The following AKAP9 variants were observed in gnomAD, a reference collection of about 807,000 sequenced individuals.
The protein encoded by AKAP9 is A-kinase anchor protein 9.
A neutral mutation model predicts 488.5 loss-of-function variants in AKAP9; 311 were observed. That is an observed-to-expected ratio of 0.64 (90% CI 0.58 to 0.70). The LOEUF is 0.70. Ranked by LOEUF, AKAP9 falls within the 30% of genes least tolerant of loss-of-function variation. The pLI is 0.00. For missense variants in AKAP9, 4,215 were observed against 4,374.5 expected, an observed-to-expected ratio of 0.96 and a Z score of 1.03; for synonymous variants, 1,462 against 1,483.5, an observed-to-expected ratio of 0.99 and a Z score of 0.33.
intron 25 of AKAP9, among the ~76,000 whole-genome samples, chr7:92,066,141 T>C (rs1232681474): frequency 6.6e-6 from 1 of 152,238 alleles, no homozygotes; most frequent in Non-Finnish European, 1.5e-5. Flanking sequence ...TTAAGGTGAA[T>C]ATTTTTTCAT....
At chr7:92,083,097 A>G (rs1347154427) in intron 32 of AKAP9, 73 bp from the exon 33 acceptor site, 6 of 1,545,718 alleles carry the variant, frequency 3.9e-6, no homozygotes, top group Non-Finnish European at 5.3e-6. Context: ...TTCCTCCCAC[A>G]CCCTTTAAAT....
At chr7:91,944,837 A>G (rs1165320583) in intron 1 of AKAP9, among the ~76,000 whole-genome samples, 1 of 152,230 alleles carries the variant, frequency 6.6e-6, no homozygotes, top group African/African-American at 2.4e-5. Flanking sequence ...TGTAATTGCT[A>G]TTTCAGTGCA....
At chr7:92,033,437 C>CT (rs1804617625) in intron 16 of AKAP9, among the ~76,000 whole-genome samples, 1 of 132,338 alleles carries the variant, frequency 7.6e-6, no homozygotes, top group African/African-American at 2.8e-5. Context: ...CTTTTCTTTT[C>CT]TTTTCTTTTT....
Position 92,042,098 on chromosome 7 carries a change from T to TA in AKAP9, c.4971dup (p.Glu1658ArgfsTer20). ...GTTTCAGAGAGAGAGAGGGTGCTTTTAGAGGAGCTGGAAGCACTAAAGCAG... is the reference window on the plus strand; with the variant it reads ...GTTTCAGAGAGAGAGAGGGTGCTTTTAAGAGGAGCTGGAAGCACTAAAGCAG... On this transcript the variant is annotated frameshift_variant, in exon 19 of 50. Transcript: ENST00000356239. LOFTEE classifies it high-confidence loss of function. 1 of 1,613,978 alleles carries TA rather than the reference T, an allele frequency of 6.2e-7. No homozygotes were observed. Among genetic ancestry groups the TA allele is most frequent in the Non-Finnish European group, 8.5e-7 (1 of 1,179,934 alleles).
chr7:92,019,815 C>T (rs750726441), intron 12 of AKAP9, among the ~76,000 whole-genome samples: 1 of 151,826 alleles, frequency 6.6e-6, no homozygotes, highest in Non-Finnish European at 1.5e-5. Context: ...GGAGACCAGC[C>T]TGGCCAACAT....
chr7:92,109,867 C>T (rs1819082931), intron 49 of AKAP9, among the ~76,000 whole-genome samples: 1 of 152,146 alleles, frequency 6.6e-6, no homozygotes, highest in South Asian at 2.1e-4. Flanking sequence ...AGGAGAATCA[C>T]TTGAACCCAG....
intron 21 of AKAP9, among the ~76,000 whole-genome samples, chr7:92,048,848 G>T (rs777176760): frequency 4.0e-5 from 6 of 151,870 alleles, no homozygotes; most frequent in Middle Eastern, 3.4e-3. Flanking sequence ...GGAGGTTGCA[G>T]TGAGCCGAGA....
chr7:92,081,491 A>G (rs1423751928), intron 31 of AKAP9, among the ~76,000 whole-genome samples: 1 of 118,204 alleles, frequency 8.5e-6, no homozygotes. Flanking sequence ...ATATATATAT[A>G]TATATATTTT....
intron 38 of AKAP9, among the ~76,000 whole-genome samples, chr7:92,091,354 G>A (rs773462478): frequency 3.9e-5 from 6 of 152,186 alleles, no homozygotes; most frequent in Middle Eastern, 6.8e-3. Context: ...TTGGGAGGCC[G>A]AGGTGGGAGG....
At chr7:92,089,260 G>T (rs1815117005) in intron 37 of AKAP9, 125 bp from the exon 38 acceptor site, 2 of 987,506 alleles carry the variant, frequency 2.0e-6, no homozygotes, top group Non-Finnish European at 3.0e-6. Flanking sequence ...GGAAAAATAA[G>T]AAAATTTTTT....
intron 14 of AKAP9, among the ~76,000 whole-genome samples, chr7:92,028,688 A>T (rs1803731413): frequency 6.6e-6 from 1 of 152,210 alleles, no homozygotes; most frequent in Admixed American, 6.5e-5. Flanking sequence ...ATAACCCCCG[A>T]TTGCTGAAGT....
intron 37 of AKAP9, among the ~76,000 whole-genome samples, chr7:92,088,074 A>T (rs1814912312): frequency 6.6e-6 from 1 of 152,120 alleles, no homozygotes; most frequent in Non-Finnish European, 1.5e-5. Flanking sequence ...TTAAGAAAGT[A>T]TATTTACATA....
chr7:91,984,059 A>C (rs1164571069), intron 3 of AKAP9, among the ~76,000 whole-genome samples: 1 of 152,090 alleles, frequency 6.6e-6, no homozygotes, highest in Non-Finnish European at 1.5e-5. Flanking sequence ...AGATTGCAAA[A>C]ATTTTCTCCC....
rs199933525 is a variant in AKAP9 at position 92,086,440 on chromosome 7, A to C, written c.9213+24A>C. ...AGGTATAATGAAACTTCATTTTAAA[A>C]ACACTTTAATAGAAATAAGGAAATG... On this transcript the variant is annotated intron_variant, in intron 37 of 49. Coordinates refer to ENST00000356239, the MANE Select transcript of AKAP9 (RefSeq NM_005751.5). The C allele has an allele frequency of 1.5e-5, 23 of 1,567,866 alleles. No homozygotes were observed. The Admixed American group carries it at 3.5e-4, about 24-fold the overall frequency.
Position 92,083,317 on chromosome 7 carries a change from C to G in AKAP9, c.8308C>G (p.Leu2770Val). ...ESKKACMFEP[L>V]PIKLSKSIAS... ...CAAAAAGGCCTGCATGTTTGAGCCA[C>G]TTCCTATAAAACTGAGTAAGAGCAT... Residue 2770 changes from leucine (L) to valine (V), a missense_variant, in exon 33 of 50, where the codon CTT becomes GTT. Coordinates refer to ENST00000356239, the MANE Select transcript of AKAP9 (RefSeq NM_005751.5). 1 of 1,614,116 alleles carries G rather than the reference C, an allele frequency of 6.2e-7. No homozygotes were observed. The highest frequency in any genetic ancestry group is 8.5e-7 in the Non-Finnish European group (1 of 1,180,022).
chr7:91,968,196 G>A (rs925516814), intron 1 of AKAP9, among the ~76,000 whole-genome samples: 11 of 152,128 alleles, frequency 7.2e-5, no homozygotes, highest in African/African-American at 2.4e-4. Flanking sequence ...CACTTGCTTC[G>A]GCCTCTGAAA....
In AKAP9 at chr7:91,992,873, G is replaced by C. The variant is rs200448722; in HGVS notation, c.406-12G>C. On this transcript the variant is annotated splice_polypyrimidine_tract_variant and intron_variant, in intron 4 of 49. Coordinates refer to ENST00000356239, the MANE Select transcript of AKAP9 (RefSeq NM_005751.5). ...CTAATACTGAATTCTTTAAAATCTT[G>C]GATTGATTTAGGAAGAAGAATTTGG... The C allele has an allele frequency of 1.2e-6, 2 of 1,612,072 alleles. No homozygotes were observed. Among genetic ancestry groups the C allele is most frequent in the Non-Finnish European group, 1.7e-6 (2 of 1,178,546 alleles).
intron 21 of AKAP9, among the ~76,000 whole-genome samples, chr7:92,047,791 G>A (rs957491379): frequency 3.9e-5 from 6 of 152,192 alleles, no homozygotes; most frequent in Non-Finnish European, 8.8e-5. Context: ...TAAATCCACA[G>A]TTAAGAAATA....
rs563993155 is a variant in AKAP9, at chr7:92,073,321, C to G, written c.6612+2312C>G. On this transcript the variant is annotated intron_variant, in intron 28 of 49. Coordinates refer to ENST00000356239, the MANE Select transcript of AKAP9 (RefSeq NM_005751.5). ...ACCATCCTGGCTAACATGGTGAAACCCCATCTCTACTAAAAATACAAAAAA... is the reference window on the plus strand; with the variant it reads ...ACCATCCTGGCTAACATGGTGAAACGCCATCTCTACTAAAAATACAAAAAA... 7.4e-5 allele frequency among the ~76,000 whole-genome samples: 11 copies of G among 149,406 alleles called. No individual in the cohort carries two copies. The South Asian group carries it at 1.7e-3, about 23-fold the overall frequency.
Sources: allele counts gnomAD v4.1 joint callset (sites outside exome capture counted in the v4.1 genomes callset), GRCh38; gene constraint gnomAD v4.1.1; transcripts MANE v1.5; gene names NCBI Gene and HGNC (gene_info 2026-07-23, HGNC 2026-07-21).